Variants in EP400 observed in about 807,000 individuals in gnomAD.
EP400 encodes the protein E1A binding protein p400.
EP400 carries 105 observed loss-of-function variants against 354.1 expected under a neutral mutation model. The ratio of observed to expected loss-of-function variants is 0.30; its 90% CI spans 0.25 to 0.35. EP400 has a LOEUF of 0.35. Ranked by LOEUF, EP400 falls within the 10% of genes least tolerant of loss-of-function variation. EP400 has a pLI of 1.00. For synonymous variants in EP400, 1,646 were observed against 1,716.9 expected (o/e 0.96, Z 1.02); for missense variants, 3,280 against 4,121.0 (o/e 0.80, Z 5.59).
rs1057312953 is a variant in EP400 at position 131,990,414 on chromosome 12, G to A, written c.2551-222G>A. Among the ~76,000 whole-genome samples the A allele has an allele frequency of 5.3e-5, 8 of 152,182 alleles. No homozygotes were observed. The highest frequency in any genetic ancestry group is 1.2e-4 in the African/African-American group (5 of 41,440). ...ACGGTTACTTCTAGAGCGGTCGCTC[G>A]CTCACTTGCTTTCCTTTTTTGAAAT... On this transcript the variant is annotated intron_variant, in intron 8 of 52. Coordinates refer to ENST00000389561, the MANE Select transcript of EP400 (RefSeq NM_015409.5). This position sits in a 1 kb window ranked among gnomAD's most constrained non-coding sequence, Gnocchi z 4.2.
Position 132,075,066 on chromosome 12 carries a change from C to G in EP400, c.9022-1450C>G, listed in dbSNP as rs1896190317. On this transcript the variant is annotated intron_variant, in intron 51 of 52. Coordinates refer to ENST00000389561, the MANE Select transcript of EP400 (RefSeq NM_015409.5). The surrounding 1 kb of genome is among the most constrained non-coding windows in gnomAD (Gnocchi z 4.5). ...CACCTGGCCTCTGAATCTGTGTCTC[C>G]TCCTCTCTCCTCCCCGGCACTGAGG... 1.3e-5 allele frequency among the ~76,000 whole-genome samples: 2 copies of G among 152,160 alleles called. No homozygotes were observed. The highest frequency in any genetic ancestry group is 1.3e-4 in the Admixed American group (2 of 15,282).
chr12:131,986,902 C>T (rs1342871789), intron 6 of EP400, 95 bp downstream of exon 6: 1 of 1,397,230 alleles, frequency 7.2e-7, no homozygotes, highest in African/African-American at 1.4e-5. Flanking sequence ...AACCGAATGC[C>T]TGGTCAATTC....
rs772319779 is a variant in EP400, at chr12:132,038,141, C to T, written c.6207+45C>T. On this transcript the variant is annotated intron_variant, in intron 32 of 52. Transcript: ENST00000389561. This position sits in a 1 kb window ranked among gnomAD's most constrained non-coding sequence, Gnocchi z 4.2. ...GGCTGAAGAGTTGCACGGTGGGAGC[C>T]GGCGGAACACCTGCACCCTCCCCCA... 3.7e-6 allele frequency: 6 copies of T among 1,609,402 alleles called. No homozygotes were observed. Among genetic ancestry groups the T allele is most frequent in the South Asian group, 3.3e-5 (3 of 90,544 alleles).
At chr12:132,022,522 A>G (rs997419069) in intron 23 of EP400, among the ~76,000 whole-genome samples, 6 of 152,246 alleles carry the variant, frequency 3.9e-5, no homozygotes, top group Admixed American at 2.6e-4. Flanking sequence ...AGATTCAAGT[A>G]TCAACCATTG....
Position 132,037,664 on chromosome 12 carries a change from T to A in EP400, c.5952-18T>A. Reference sequence around the variant, plus strand: ...TTTCCTGGTGACTGACTTAGCATCTTACATCTTTTGTTTGCAGGCTTGTGA... The same window carrying A: ...TTTCCTGGTGACTGACTTAGCATCTAACATCTTTTGTTTGCAGGCTTGTGA... On this transcript the variant is annotated intron_variant, in intron 30 of 52. Transcript: ENST00000389561. 1 of 1,606,650 alleles carries A rather than the reference T, an allele frequency of 6.2e-7. No individual in the cohort carries two copies. Among genetic ancestry groups the A allele is most frequent in the Non-Finnish European group, 8.5e-7 (1 of 1,173,062 alleles).
rs888361510 is a variant in EP400, at chr12:132,013,274, C to T, written c.3611+96C>T. On this transcript the variant is annotated intron_variant, in intron 17 of 52. Transcript: ENST00000389561. This position sits in a 1 kb window ranked among gnomAD's most constrained non-coding sequence, Gnocchi z 4.5. ...GCATAATTGCAGACACAAACAATGG[C>T]CTTTGAGCTAGAGAATTGCTTTTCA... The T allele has an allele frequency of 3.4e-5, 50 of 1,469,058 alleles. No individual in the cohort carries two copies. The highest frequency in any genetic ancestry group is 4.5e-5 in the Non-Finnish European group (49 of 1,100,178). 91.0% of individuals were successfully genotyped at this position (1,469,058 alleles called of 1,614,324 possible).
rs745654762 is a variant in EP400, at chr12:132,055,093, C to T, written c.7775-6C>T. 1 of 1,613,908 alleles carries T rather than the reference C, an allele frequency of 6.2e-7. No individual in the cohort carries two copies. The highest frequency in any genetic ancestry group is 8.5e-7 in the Non-Finnish European group (1 of 1,179,906). On this transcript the variant is annotated splice_region_variant and splice_polypyrimidine_tract_variant and intron_variant, in intron 44 of 52. Transcript: ENST00000389561. ...GCTGTTGCCTTATGCCCGCCTGTCT[C>T]CGCAGGTGCCGTGAGTGGAAATGTG...
rs542989286 is a variant in EP400, at chr12:132,077,776, C to T, written c.*103C>T. The T allele has an allele frequency of 1.4e-5, 18 of 1,324,374 alleles. No homozygotes were observed. In the East Asian group the frequency reaches 4.3e-4, roughly 31 times the overall value. 82.0% of individuals were successfully genotyped at this position (1,324,374 alleles called of 1,614,324 possible). A position where few individuals can be genotyped will look rare whatever the true frequency, so the allele number is the denominator to read the frequency against. ...ACCATGTCACGCAAGAGATTCAGCA[C>T]TGGGAAAGATATAATTGAAACAAAA... is the stretch of plus-strand genomic sequence containing the variant. On this transcript the variant is annotated 3_prime_UTR_variant, in exon 53 of 53. Transcript: ENST00000389561.
At chr12:132,011,441 A>G (rs1356023812) in intron 15 of EP400, 57 bp from the exon 16 acceptor site, 4 of 1,600,460 alleles carry the variant, frequency 2.5e-6, no homozygotes, top group African/African-American at 1.3e-5. Context: ...ACACAGTGCT[A>G]GGTGCCTGGA....
intron 2 of EP400, among the ~76,000 whole-genome samples, chr12:131,966,455 G>C (rs551676787): frequency 4.4e-4 from 67 of 150,750 alleles, no homozygotes; most frequent in African/African-American, 1.6e-3. Context: ...TGTAATTCCA[G>C]CTTCTCAGGA....
chr12:132,076,444 A>G, intron 51 of EP400, 72 bp from the exon 52 acceptor site: 2 of 1,479,564 alleles, frequency 1.4e-6, no homozygotes, highest in South Asian at 1.2e-5. Flanking sequence ...GAGGACAGAA[A>G]GGGAGGAAAA....
chr12:131,995,157 C>G, intron 12 of EP400: 1 of 515,324 alleles, frequency 1.9e-6, no homozygotes, highest in Non-Finnish European at 3.5e-6. Context: ...ACTGCCCTGA[C>G]TGTCTTTCTT....
At chr12:132,003,441 G>T (rs549857937) in intron 12 of EP400, among the ~76,000 whole-genome samples, 2 of 152,178 alleles carry the variant, frequency 1.3e-5, no homozygotes, top group South Asian at 4.1e-4. Flanking sequence ...GTATCGAAAG[G>T]GGCCTTGGAA....
chr12:131,991,914 T>C (rs1199739307), intron 10 of EP400, among the ~76,000 whole-genome samples: 1 of 152,154 alleles, frequency 6.6e-6, no homozygotes. Context: ...ATAGACTCAG[T>C]CTACTTTGAA....
chr12:132,063,266 A>G (rs1383620741), intron 47 of EP400, among the ~76,000 whole-genome samples: 1 of 152,228 alleles, frequency 6.6e-6, no homozygotes, highest in African/African-American at 2.4e-5. Flanking sequence ...TAATCCCAGC[A>G]CTTTGGGAGG....
At chr12:132,058,028 C>G (rs957336832) in intron 45 of EP400, among the ~76,000 whole-genome samples, 2 of 152,034 alleles carry the variant, frequency 1.3e-5, no homozygotes, top group African/African-American at 4.8e-5. Flanking sequence ...CAGTGGTGGA[C>G]ATGTGTGATT....
intron 46 of EP400, 51 bp from the exon 47 acceptor site, chr12:132,062,415 G>A (rs1466905960): frequency 1.2e-6 from 2 of 1,610,406 alleles, no homozygotes; most frequent in Non-Finnish European, 1.7e-6. Context: ...ATGAGGATCT[G>A]AAGGTGGGCG....
At chr12:131,980,291 C>T (rs1284468872) in intron 3 of EP400, among the ~76,000 whole-genome samples, 1 of 152,164 alleles carries the variant, frequency 6.6e-6, no homozygotes, top group Non-Finnish European at 1.5e-5. Context: ...AGCATTGTTA[C>T]ATATGTGATA....
chr12:131,973,500 G>A (rs1031000767), intron 2 of EP400, among the ~76,000 whole-genome samples: 4 of 152,284 alleles, frequency 2.6e-5, no homozygotes, highest in South Asian at 2.1e-4. Flanking sequence ...AAAATTTGCC[G>A]GGTGTGGTGG....
Sources: allele counts gnomAD v4.1 joint callset (sites outside exome capture counted in the v4.1 genomes callset), GRCh38; gene constraint gnomAD v4.1.1; non-coding constraint Gnocchi (gnomAD v3.1); transcripts MANE v1.5; gene names NCBI Gene and HGNC (gene_info 2026-07-23, HGNC 2026-07-21).